TSPAN8: variants seen among roughly 807,000 people sequenced by gnomAD.
TSPAN8 encodes the protein tetraspanin-8.
TSPAN8 carries 21 observed loss-of-function variants against 32.8 expected under a neutral mutation model. The observed-to-expected ratio is 0.64, with a 90% CI of 0.45 to 0.92. TSPAN8 has a LOEUF of 0.92. TSPAN8 is among the 40% of genes least tolerant of loss of function. The probability of loss-of-function intolerance (pLI) is 0.00; values close to 1 mark genes in which losing one functional copy is unlikely to be tolerated. For missense variants in TSPAN8, 269 were observed against 281.9 expected, an observed-to-expected ratio of 0.95 and a Z score of 0.33; for synonymous variants, 95 against 94.6, an observed-to-expected ratio of 1.00 and a Z score of -0.03.
intron 2 of TSPAN8, among the ~76,000 whole-genome samples, chr12:71,151,027 C>T (rs987791802): frequency 6.6e-6 from 1 of 151,674 alleles, no homozygotes; most frequent in African/African-American, 2.4e-5. Flanking sequence ...GTTAAGTGTA[C>T]ACTCAATGTG....
chr12:71,147,017 T>C (rs938235917), intron 2 of TSPAN8, among the ~76,000 whole-genome samples: 2 of 152,132 alleles, frequency 1.3e-5, no homozygotes, highest in African/African-American at 2.4e-5. Context: ...CATGAGAAGA[T>C]GGCCACAGAA....
At chr12:71,132,876 T>C (rs778971183) in intron 6 of TSPAN8, 52 bp from the exon 7 acceptor site, 1 of 1,590,770 alleles carries the variant, frequency 6.3e-7, no homozygotes, top group Non-Finnish European at 8.6e-7. Flanking sequence ...ATTAAAAACA[T>C]TGGCAATACA....
chr12:71,140,186 T>A (rs757360294), intron 3 of TSPAN8, among the ~76,000 whole-genome samples: 3 of 152,328 alleles, frequency 2.0e-5, no homozygotes, highest in Admixed American at 1.3e-4. Context: ...AAGTGCATTA[T>A]AAAAGCATGT....
chr12:71,144,084 T>G, intron 3 of TSPAN8, 67 bp downstream of exon 3: 1 of 1,402,900 alleles, frequency 7.1e-7, no homozygotes, highest in East Asian at 2.4e-5. Context: ...ATTATTGTTA[T>G]AACTTTCATT....
Position 71,125,387 on chromosome 12 carries a change from T to C in TSPAN8, c.661A>G (p.Ile221Val), listed in dbSNP as rs1426956508. 1.2e-6 allele frequency: 2 copies of C among 1,610,638 alleles called. No homozygotes were observed. ...ACCATAGAAAACACCAAACCCAGTA[T>C]CTAGAGAACAAAATAACAGGATTAA... ...GISFGLAVIE[I>V]LGLVFSMVLY... Residue 221 changes from isoleucine (I) to valine (V), a missense_variant and splice_region_variant, in exon 9 of 9, where the codon ATA becomes GTA. Coordinates refer to ENST00000247829, the MANE Select transcript of TSPAN8 (RefSeq NM_004616.3).
At chr12:71,138,480 T>C (rs1380536216) in intron 4 of TSPAN8, among the ~76,000 whole-genome samples, 2 of 152,236 alleles carry the variant, frequency 1.3e-5, no homozygotes, top group Non-Finnish European at 2.9e-5. Context: ...CATTGATATC[T>C]GTATGATATT....
At position 71,156,250 on chromosome 12, in the gene TSPAN8, C is replaced by CAAAAAAAAAAAAAAAAAAAAAAAAAA. The variant is rs763217771; in HGVS notation, c.60+1368_60+1369insTTTTTTTTTTTTTTTTTTTTTTTTTT. Among the ~76,000 whole-genome samples, 23 of 24,364 alleles carry CAAAAAAAAAAAAAAAAAAAAAAAAAA rather than the reference C, an allele frequency of 9.4e-4. 3 individuals carry two copies. The highest frequency in any genetic ancestry group is 4.9e-3 in the African/African-American group (21 of 4,314). The allele number at this position is 24,364 out of a possible 152,430, so 16.0% of individuals were successfully genotyped here. Reference sequence around the variant, plus strand: ...TCTTTAGTGAATATTCAAAGTTCTCCAAAAAAAAAAAAAAAAAACAAACAA... The same window carrying CAAAAAAAAAAAAAAAAAAAAAAAAAA: ...TCTTTAGTGAATATTCAAAGTTCTCCAAAAAAAAAAAAAAAAAAAAAAAAAAAAAAAAAAAAAAAAAAAACAAACAA... On this transcript the variant is annotated intron_variant, in intron 2 of 8. Coordinates refer to ENST00000247829, the MANE Select transcript of TSPAN8 (RefSeq NM_004616.3).
intron 6 of TSPAN8, among the ~76,000 whole-genome samples, chr12:71,135,311 G>C (rs1592401707): frequency 2.2e-5 from 3 of 139,356 alleles, no homozygotes; most frequent in East Asian, 4.3e-4. Flanking sequence ...GGGAGGGGGA[G>C]GTGGCACAGG....
chr12:71,139,777 G>C lies in TSPAN8; in HGVS notation c.195C>G (p.Ile65Met). 2 of 1,614,062 alleles carry C rather than the reference G, an allele frequency of 1.2e-6. No individual in the cohort carries two copies. The highest frequency in any genetic ancestry group is 1.7e-6 in the Non-Finnish European group (2 of 1,179,946). The change falls in exon 4 of 9, where the codon ATC becomes ATG. Residue 65 changes from isoleucine (I) to methionine (M), a missense_variant. Physicochemically the swap from Ile to Met is conservative, Grantham distance 10. Coordinates refer to ENST00000247829, the MANE Select transcript of TSPAN8 (RefSeq NM_004616.3). ...ATCCCAGGAAGCCCAGAATCATGAT[G>C]ATGGCACCTACAGCAATCAATATGT... ...AVDILIAVGA[I>M]IMILGFLGCC...
At chr12:71,135,896 G>A (rs1457111967) in intron 6 of TSPAN8, among the ~76,000 whole-genome samples, 1 of 152,090 alleles carries the variant, frequency 6.6e-6, no homozygotes, top group Non-Finnish European at 1.5e-5. Context: ...TTTTAAGCTG[G>A]GCTCTAGAGT....
intron 3 of TSPAN8, among the ~76,000 whole-genome samples, chr12:71,140,421 T>A (rs139395668): frequency 6.6e-6 from 1 of 152,180 alleles, no homozygotes; most frequent in East Asian, 1.9e-4. Context: ...AAAGCAAGAG[T>A]TAACTGAAAA....
intron 2 of TSPAN8, among the ~76,000 whole-genome samples, chr12:71,153,539 C>T (rs1872324529): frequency 6.6e-6 from 1 of 152,142 alleles, no homozygotes; most frequent in African/African-American, 2.4e-5. Context: ...CTCAGTTTTG[C>T]AAGTTATACC....
At chr12:71,131,176 A>C (rs934599887) in intron 7 of TSPAN8, among the ~76,000 whole-genome samples, 1 of 152,096 alleles carries the variant, frequency 6.6e-6, no homozygotes, top group Non-Finnish European at 1.5e-5. Context: ...CTCTATATTT[A>C]TTTCCCCTTT....
At position 71,132,764 on chromosome 12, in the gene TSPAN8, G is replaced by C. The variant is rs1207174671; in HGVS notation, c.505C>G (p.Pro169Ala). The change falls in exon 7 of 9, where the codon CCT becomes GCT. Residue 169 changes from proline (P) to alanine (A), a missense_variant. Pro to Ala is a conservative substitution (Grantham distance 27, BLOSUM62 -1). Coordinates refer to ENST00000247829, the MANE Select transcript of TSPAN8 (RefSeq NM_004616.3). ...ADWGNNFQHY[P>A]ELCACLDKQR... ...TTATCTAGACAGGCACATAATTCAGGATAGTGTTGAAAATTATTTCCCCAA... is the reference window on the plus strand; with the variant it reads ...TTATCTAGACAGGCACATAATTCAGCATAGTGTTGAAAATTATTTCCCCAA... 2 of 1,613,944 alleles carry C rather than the reference G, an allele frequency of 1.2e-6. No individual in the cohort carries two copies. The highest frequency in any genetic ancestry group is 1.7e-6 in the Non-Finnish European group (2 of 1,179,966).
intron 2 of TSPAN8, among the ~76,000 whole-genome samples, chr12:71,149,914 T>C (rs1872194466): frequency 6.6e-6 from 1 of 152,208 alleles, no homozygotes; most frequent in African/African-American, 2.4e-5. Context: ...GCCATATTTT[T>C]CTTCTTGCAG....
In TSPAN8 at chr12:71,146,835, A is replaced by G. The variant is rs1257401628; in HGVS notation, c.61-2622T>C. ...ACTGAATTGTGTCTCCACAAAATTC[A>G]TATGTTGAAGCCCTAACCTCCAATG... is the stretch of plus-strand genomic sequence containing the variant. On this transcript the variant is annotated intron_variant, in intron 2 of 8. Coordinates refer to ENST00000247829, the MANE Select transcript of TSPAN8 (RefSeq NM_004616.3). Among the ~76,000 whole-genome samples the G allele has an allele frequency of 4.6e-5, 7 of 152,352 alleles. No homozygotes were observed. In the East Asian group the frequency reaches 9.6e-4, roughly 21 times the overall value.
chr12:71,147,847 C>T (rs2137058343), intron 2 of TSPAN8, among the ~76,000 whole-genome samples: 1 of 152,172 alleles, frequency 6.6e-6, no homozygotes, highest in African/African-American at 2.4e-5. Context: ...TTCATTAAAT[C>T]ATTTAGATCC....
At chr12:71,152,763 A>T (rs971630052) in intron 2 of TSPAN8, among the ~76,000 whole-genome samples, 1 of 152,226 alleles carries the variant, frequency 6.6e-6, no homozygotes, top group African/African-American at 2.4e-5. Flanking sequence ...TCATTTTGAA[A>T]GATTCCATCA....
At chr12:71,150,946 C>T (rs1872233897) in intron 2 of TSPAN8, among the ~76,000 whole-genome samples, 1 of 152,120 alleles carries the variant, frequency 6.6e-6, no homozygotes, top group African/African-American at 2.4e-5. Flanking sequence ...TCTATTAAAC[C>T]TCTTTTTATT....
Sources: allele counts gnomAD v4.1 joint callset (sites outside exome capture counted in the v4.1 genomes callset), GRCh38; gene constraint gnomAD v4.1.1; transcripts MANE v1.5; gene names NCBI Gene and HGNC (gene_info 2026-07-23, HGNC 2026-07-21).